The following TENT4A variants were observed in gnomAD, a reference collection of about 807,000 sequenced individuals.
TENT4A encodes the protein DNA polymerase kappa.
A neutral mutation model predicts 72.8 loss-of-function variants in TENT4A; 7 were observed. That is an observed-to-expected ratio of 0.10 (90% CI 0.05 to 0.18). The LOEUF is 0.18. TENT4A is among the 10% of genes least tolerant of loss of function. The probability of loss-of-function intolerance (pLI) is 1.00; values close to 1 mark genes in which losing one functional copy is unlikely to be tolerated. For synonymous variants in TENT4A, 456 were observed against 434.3 expected (o/e 1.05, Z -0.62); for missense variants, 831 against 1,017.7 (o/e 0.82, Z 2.50).
chr5:6,724,232 T>C (rs967088398), intron 1 of TENT4A, among the ~76,000 whole-genome samples: 1 of 152,084 alleles, frequency 6.6e-6, no homozygotes, highest in African/African-American at 2.4e-5. Flanking sequence ...AGGGCACTGG[T>C]ATGTTGGAGT....
chr5:6,718,079 G>A (rs1020079912), intron 1 of TENT4A, among the ~76,000 whole-genome samples: 1 of 152,214 alleles, frequency 6.6e-6, no homozygotes, highest in Non-Finnish European at 1.5e-5. Context: ...TGCAGCAGGT[G>A]TATGCAGCTT....
At position 6,713,924 on chromosome 5, in the gene TENT4A, GCGGGGGCGGGGCCGCGT is replaced by G. The variant is rs1740223992; in HGVS notation, c.-54_-38del. 1.5e-5 allele frequency: 11 copies of G among 731,230 alleles called. No homozygotes were observed. Among genetic ancestry groups the G allele is most frequent in the Non-Finnish European group, 1.8e-5 (11 of 601,116 alleles). 45.3% of individuals were successfully genotyped at this position (731,230 alleles called of 1,614,324 possible). A position where few individuals can be genotyped will look rare whatever the true frequency, so the allele number is the denominator to read the frequency against. ...GCGCGCGGCCGGGCCTCGGGGCGCG[GCGGGGGCGGGGCCGCGT>G]CGGGGCGGGCGGGCGCGCGGGCCCC... On this transcript the variant is annotated 5_prime_UTR_variant, in exon 1 of 13. Transcript: ENST00000230859.
Position 6,713,981 on chromosome 5 carries a change from T to G in TENT4A, c.-3T>G, listed in dbSNP as rs1740228184. On this transcript the variant is annotated 5_prime_UTR_variant, in exon 1 of 13. Transcript: ENST00000230859. The stretch of plus-strand genomic sequence containing the variant: ...GCGCGGGCCCCGCGGGGGCGGCGCG[T>G]GGATGGATCCGCGCGTGGCCTGGAT... 2.1e-6 allele frequency: 2 copies of G among 973,024 alleles called. No individual in the cohort carries two copies. Among genetic ancestry groups the G allele is most frequent in the Non-Finnish European group, 2.4e-6 (2 of 822,032 alleles). 60.3% of individuals were successfully genotyped at this position (973,024 alleles called of 1,614,324 possible). A position where few individuals can be genotyped will look rare whatever the true frequency, so the allele number is the denominator to read the frequency against.
rs762962736 is a variant in TENT4A at position 6,754,758 on chromosome 5, A to G, written c.2192A>G (p.Asn731Ser). The G allele has an allele frequency of 1.1e-5, 17 of 1,572,504 alleles. No homozygotes were observed. The South Asian group carries it at 1.6e-4, about 15-fold the overall frequency. Residue 731 changes from asparagine to serine, a missense_variant, in exon 13 of 13, where the codon AAC (asparagine) becomes AGC (serine). Physicochemically the swap from Asn to Ser is conservative, Grantham distance 46 (BLOSUM62 1). This residue lies in a region of TENT4A where 332 missense variants were observed against 324.3 expected (regional missense o/e 1.02). Coordinates refer to ENST00000230859, the MANE Select transcript of TENT4A (RefSeq NM_006999.6). ...SSPHLYHKQH[N>S]GMKLSMKGSH... Reference sequence around the variant, plus strand: ...GTCTCTCTCTTTCTCCAGCAGCACAACGGCATGAAACTGTCCATGAAGGGC... The same window carrying G: ...GTCTCTCTCTTTCTCCAGCAGCACAGCGGCATGAAACTGTCCATGAAGGGC...
rs1193618214 is a variant in TENT4A, at chr5:6,746,444, C to G, written c.1459+17C>G. ...TGCTGCCAGGTAAGGGCGCCCTGATCTCCACTGCTGAGAGCTGGGCCAGCC... is the reference window on the plus strand; with the variant it reads ...TGCTGCCAGGTAAGGGCGCCCTGATGTCCACTGCTGAGAGCTGGGCCAGCC... On this transcript the variant is annotated intron_variant, in intron 7 of 12. Coordinates refer to ENST00000230859, the MANE Select transcript of TENT4A (RefSeq NM_006999.6). 6.2e-7 allele frequency: 1 copy of G among 1,612,816 alleles called. No individual in the cohort carries two copies. The highest frequency in any genetic ancestry group is 1.3e-5 in the African/African-American group (1 of 74,902).
chr5:6,734,594 G>A (rs1741378995), intron 1 of TENT4A, among the ~76,000 whole-genome samples: 2 of 152,252 alleles, frequency 1.3e-5, no homozygotes, highest in South Asian at 2.1e-4. Context: ...ATTCTGAGAA[G>A]GCAAAACAAA....
At chr5:6,741,564 G>T (rs976987775) in intron 4 of TENT4A, among the ~76,000 whole-genome samples, 11 of 152,212 alleles carry the variant, frequency 7.2e-5, no homozygotes, top group African/African-American at 2.7e-4. Context: ...CTTTGGGAAA[G>T]TATTTCTTTC....
At chr5:6,717,909 A>G (rs1314983481) in intron 1 of TENT4A, among the ~76,000 whole-genome samples, 2 of 152,224 alleles carry the variant, frequency 1.3e-5, no homozygotes, top group Non-Finnish European at 2.9e-5. Flanking sequence ...GAGTGGGAGC[A>G]TGGCCCTCAG....
chr5:6,752,815 C>T lies in TENT4A; in HGVS notation c.2020-58C>T, dbSNP rs926486465. Reference sequence around the variant, plus strand: ...CTTTGGTGGTGCTGAGCTTAGAAGCCGGATGGTTTTCCTCTGATTGCTTTG... The same window carrying T: ...CTTTGGTGGTGCTGAGCTTAGAAGCTGGATGGTTTTCCTCTGATTGCTTTG... On this transcript the variant is annotated intron_variant, in intron 11 of 12. Transcript: ENST00000230859. The T allele has an allele frequency of 3.6e-5, 54 of 1,517,910 alleles. 1 individual carries two copies. The South Asian group carries it at 3.7e-4, about 10-fold the overall frequency. The allele number at this position is 1,517,910 out of a possible 1,614,324, so 94.0% of individuals were successfully genotyped here.
intron 1 of TENT4A, among the ~76,000 whole-genome samples, chr5:6,723,527 G>A (rs1196562038): frequency 2.6e-5 from 4 of 152,200 alleles, no homozygotes; most frequent in Admixed American, 6.5e-5. Context: ...ACAGTCTGAC[G>A]TGACCTGGCA....
chr5:6,722,024 T>C (rs886459002), intron 1 of TENT4A, among the ~76,000 whole-genome samples: 1 of 152,226 alleles, frequency 6.6e-6, no homozygotes, highest in Non-Finnish European at 1.5e-5. Flanking sequence ...TGTATTTTGA[T>C]GTTTCTGCAT....
chr5:6,754,976 C>G lies in TENT4A; in HGVS notation c.*31C>G, dbSNP rs749437135. The G allele has an allele frequency of 1.3e-6, 2 of 1,533,852 alleles. No homozygotes were observed. Among genetic ancestry groups the G allele is most frequent in the African/African-American group, 2.7e-5 (2 of 73,508 alleles). ...CCTGGCTGCGTCAGCCTCCCCCACC[C>G]CTCTGCAGACTGCCCCGCGGCCTCG... On this transcript the variant is annotated 3_prime_UTR_variant, in exon 13 of 13. Coordinates refer to ENST00000230859, the MANE Select transcript of TENT4A (RefSeq NM_006999.6).
chr5:6,717,789 G>C (rs534824482), intron 1 of TENT4A, among the ~76,000 whole-genome samples: 3 of 152,356 alleles, frequency 2.0e-5, no homozygotes, highest in East Asian at 3.9e-4. Flanking sequence ...GCTGTCACTT[G>C]CAAGTGCTCT....
intron 7 of TENT4A, 108 bp from the exon 8 acceptor site, chr5:6,748,356 A>C: frequency 7.0e-7 from 1 of 1,428,402 alleles, no homozygotes; most frequent in Non-Finnish European, 9.7e-7. Flanking sequence ...GGTCTGGAAG[A>C]GTTTCAGTGG....
chr5:6,722,482 A>G (rs1484276667), intron 1 of TENT4A, among the ~76,000 whole-genome samples: 2 of 150,194 alleles, frequency 1.3e-5, no homozygotes, highest in Non-Finnish European at 3.0e-5. Context: ...ATACCTTTCT[A>G]TTTTTAAAAC....
At chr5:6,751,322 T>A in intron 11 of TENT4A, 125 bp downstream of exon 11, 4 of 949,524 alleles carry the variant, frequency 4.2e-6, no homozygotes, top group Non-Finnish European at 6.5e-6. Context: ...TATTTGGCCA[T>A]TGGTGTGTTG....
At chr5:6,737,476 G>T in intron 1 of TENT4A, 34 bp from the exon 2 acceptor site, 4 of 1,566,860 alleles carry the variant, frequency 2.6e-6, no homozygotes, top group Non-Finnish European at 3.5e-6. Context: ...ACATTTCATT[G>T]TAACTCTAGT....
chr5:6,742,823 T>C (rs1276690359), intron 5 of TENT4A, among the ~76,000 whole-genome samples: 1 of 152,262 alleles, frequency 6.6e-6, no homozygotes, highest in Non-Finnish European at 1.5e-5. Flanking sequence ...AAGTTGACAA[T>C]TATTTTAGAG....
chr5:6,751,720 A>G (rs1742417154), intron 11 of TENT4A, among the ~76,000 whole-genome samples: 1 of 152,250 alleles, frequency 6.6e-6, no homozygotes, highest in Admixed American at 6.5e-5. Flanking sequence ...TAATTTTATA[A>G]ATACTAAATT....
Sources: allele counts gnomAD v4.1 joint callset (sites outside exome capture counted in the v4.1 genomes callset), GRCh38; gene constraint gnomAD v4.1.1; regional missense constraint gnomAD v4.1.1; transcripts MANE v1.5; gene names NCBI Gene and HGNC (gene_info 2026-07-23, HGNC 2026-07-21).